EBF3: variants seen among roughly 807,000 people sequenced by gnomAD.
EBF3 encodes the protein EBF transcription factor 3, also known as transcription factor COE3.
In EBF3, 18 loss-of-function variants were observed where a neutral mutation model predicts 77.1. That is an observed-to-expected ratio of 0.23 (90% confidence interval 0.16 to 0.35). EBF3 has a LOEUF of 0.35. Among genes scored for constraint, EBF3 ranks in the 10% least tolerant of loss-of-function variants. EBF3 has a pLI of 1.00. For synonymous variants in EBF3, 350 were observed against 343.5 expected, an observed-to-expected ratio of 1.02 and a Z score of -0.21; for missense variants, 558 against 860.0, an observed-to-expected ratio of 0.65 and a Z score of 4.39.
chr10:129,858,753 G>A lies in EBF3; in HGVS notation c.1039+8388C>T, dbSNP rs1394252203. Among the ~76,000 whole-genome samples, 8 of 152,258 alleles carry A rather than the reference G, an allele frequency of 5.3e-5. No individual in the cohort carries two copies. In the East Asian group the frequency reaches 5.8e-4, roughly 11 times the overall value. Reference sequence around the variant, plus strand: ...AGGCTTCCTCAGATGCCTAGAGTGCGGGTCCAGGCCTCAGAGGCTCCAGGG... The same window carrying A: ...AGGCTTCCTCAGATGCCTAGAGTGCAGGTCCAGGCCTCAGAGGCTCCAGGG... On this transcript the variant is annotated intron_variant, in intron 10 of 16. Transcript: ENST00000440978.
intron 4 of EBF3, among the ~76,000 whole-genome samples, chr10:129,960,220 T>A (rs1859398225): frequency 6.6e-6 from 1 of 152,134 alleles, no homozygotes; most frequent in African/African-American, 2.4e-5. Context: ...TCTTCTCCGG[T>A]TCCCGCCCCC....
chr10:129,915,499 A>ACACAC lies in EBF3; in HGVS notation c.555-37651_555-37650insGTGTG, dbSNP rs59533376. ...ACACACACACACACACACACACACAAAAAAGCCAAGACAAGTTGGGTGTTG... is the reference window on the plus strand; with the variant it reads ...ACACACACACACACACACACACACAACACACAAAAGCCAAGACAAGTTGGGTGTTG... On this transcript the variant is annotated intron_variant, in intron 6 of 16. Coordinates refer to ENST00000440978, the MANE Select transcript of EBF3 (RefSeq NM_001375380.1). Among the ~76,000 whole-genome samples the ACACAC allele has an allele frequency of 5.1e-3, 464 of 91,286 alleles. 5 individuals carry two copies. The highest frequency in any genetic ancestry group is 0.021 in the East Asian group (69 of 3,238). The allele number at this position is 91,286 out of a possible 152,430, so 59.9% of individuals were successfully genotyped here.
intron 6 of EBF3, among the ~76,000 whole-genome samples, chr10:129,909,981 G>A (rs915318239): frequency 2.6e-5 from 4 of 152,242 alleles, no homozygotes; most frequent in African/African-American, 9.6e-5. Context: ...ACTGTCAGGG[G>A]CTCGGGCTCT....
At chr10:129,922,655 G>A (rs538609772) in intron 6 of EBF3, among the ~76,000 whole-genome samples, 106 of 152,348 alleles carry the variant, frequency 7.0e-4, no homozygotes, top group African/African-American at 2.5e-3. Context: ...TACCTACAGC[G>A]ATGCCCTGCA....
At chr10:129,855,718 A>G (rs982867605) in intron 10 of EBF3, among the ~76,000 whole-genome samples, 3 of 152,218 alleles carry the variant, frequency 2.0e-5, no homozygotes, top group Non-Finnish European at 4.4e-5. Context: ...CACCCTCAAC[A>G]TGATAAAAAG....
intron 6 of EBF3, among the ~76,000 whole-genome samples, chr10:129,928,727 T>C (rs1235626633): frequency 6.6e-6 from 1 of 152,216 alleles, no homozygotes; most frequent in African/African-American, 2.4e-5. Flanking sequence ...CTTCGCTTAC[T>C]CCACTAGGTC....
At chr10:129,915,492 ACACAC>A (rs1855820647) in intron 6 of EBF3, among the ~76,000 whole-genome samples, 1 of 99,850 alleles carries the variant, frequency 1.0e-5, no homozygotes, top group Non-Finnish European at 2.1e-5. Context: ...ACACACACAC[ACACAC>A]AAAAAAGCCA....
intron 6 of EBF3, among the ~76,000 whole-genome samples, chr10:129,932,197 GA>G (rs1383380763): frequency 1.3e-5 from 2 of 152,218 alleles, no homozygotes; most frequent in African/African-American, 2.4e-5. Flanking sequence ...AACCTCTTGG[GA>G]AGAAGGTATT....
rs1857984145 is a variant in EBF3, at chr10:129,943,918, A to C, written c.554+13340T>G. Among the ~76,000 whole-genome samples the C allele has an allele frequency of 6.6e-6, 1 of 152,222 alleles. No homozygotes were observed. The highest frequency in any genetic ancestry group is 1.5e-5 in the Non-Finnish European group (1 of 68,040). On this transcript the variant is annotated intron_variant, in intron 6 of 16. Coordinates refer to ENST00000440978, the MANE Select transcript of EBF3 (RefSeq NM_001375380.1). The surrounding 1 kb of genome is among the most constrained non-coding windows in gnomAD (Gnocchi z 8.8). ...CAGCTGAAACCGTAAAATGCTCGGT[A>C]AAACCAGTCGCTCTGAGGGTGCAGC...
At chr10:129,883,900 T>C (rs12572291) in intron 6 of EBF3, among the ~76,000 whole-genome samples, 10,590 of 152,156 alleles carry the variant, frequency 0.07, 809 homozygotes, top group East Asian at 0.4. Flanking sequence ...CACTTTAAAA[T>C]GGTTAATTTC....
At chr10:129,910,110 C>G (rs1411122589) in intron 6 of EBF3, among the ~76,000 whole-genome samples, 1 of 152,122 alleles carries the variant, frequency 6.6e-6, no homozygotes, top group Non-Finnish European at 1.5e-5. Flanking sequence ...CGAGCCCGCC[C>G]GGGGCTGGAG....
Position 129,837,913 on chromosome 10 carries a change from G to A in EBF3, c.*30C>T. ...TCCTTTGATGCTGGGTGCTGCGGAA[G>A]GTAAACAGAAGTCCCTCACATTGGC... is the stretch of plus-strand genomic sequence containing the variant. On this transcript the variant is annotated 3_prime_UTR_variant, in exon 17 of 17. Transcript: ENST00000440978. 6.2e-7 allele frequency: 1 copy of A among 1,613,634 alleles called. No homozygotes were observed. The highest frequency in any genetic ancestry group is 8.5e-7 in the Non-Finnish European group (1 of 1,180,010).
intron 6 of EBF3, among the ~76,000 whole-genome samples, chr10:129,908,020 C>T (rs1855265586): frequency 1.3e-5 from 2 of 152,306 alleles, no homozygotes; most frequent in South Asian, 4.1e-4. Context: ...ACACAGCTAC[C>T]TCATTCTTCT....
intron 7 of EBF3, among the ~76,000 whole-genome samples, chr10:129,873,800 T>C (rs1320443889): frequency 2.0e-5 from 3 of 152,204 alleles, no homozygotes; most frequent in Non-Finnish European, 4.4e-5. Flanking sequence ...TGACTCAAGA[T>C]TGCTTCTCTT....
In EBF3 at chr10:129,936,643, G is replaced by A. The variant is rs188729308; in HGVS notation, c.554+20615C>T. ...GTTATGGCAGGGGACCCTCAGCTGT[G>A]GGGGGACCAGAGGCTGTGTAGGGGA... On this transcript the variant is annotated intron_variant, in intron 6 of 16. Transcript: ENST00000440978. Among the ~76,000 whole-genome samples the A allele has an allele frequency of 6.7e-3, 1,018 of 151,718 alleles. 11 individuals are homozygous for A. The highest frequency in any genetic ancestry group is 0.023 in the African/African-American group (959 of 41,300).
intron 7 of EBF3, among the ~76,000 whole-genome samples, chr10:129,876,837 TATGAATCTATCATAATGGTAC>T (rs921239250): frequency 7.1e-5 from 10 of 140,578 alleles, no homozygotes; most frequent in Admixed American, 1.5e-4. Flanking sequence ...GCAAGAAAAA[TATGAATCTATCATAATGGTAC>T]ATAAATCTAT....
At chr10:129,910,685 G>T (rs1465539431) in intron 6 of EBF3, among the ~76,000 whole-genome samples, 1 of 151,890 alleles carries the variant, frequency 6.6e-6, no homozygotes, top group African/African-American at 2.4e-5. Flanking sequence ...CTCCCCCAGA[G>T]CCCCAGGTAT....
chr10:129,841,046 C>CCCCCG lies in EBF3; in HGVS notation c.1373-15_1373-14insCGGGG. The CCCCCG allele has an allele frequency of 1.2e-6, 2 of 1,602,598 alleles. No individual in the cohort carries two copies. The highest frequency in any genetic ancestry group is 1.7e-6 in the Non-Finnish European group (2 of 1,174,594). ...GACTGTAGCCGACTGTTGAAATCCC[C>CCCCCG]CCCCCGGCCAAAAATAACATTATTA... On this transcript the variant is annotated splice_polypyrimidine_tract_variant and intron_variant, in intron 13 of 16. Transcript: ENST00000440978. This position sits in a 1 kb window ranked among gnomAD's most constrained non-coding sequence, Gnocchi z 4.6.
At chr10:129,911,382 C>A (rs931148393) in intron 6 of EBF3, among the ~76,000 whole-genome samples, 2 of 152,198 alleles carry the variant, frequency 1.3e-5, no homozygotes, top group Admixed American at 6.5e-5. Context: ...ACCCAACAGG[C>A]CCTTTCTCTC....
Sources: gnomAD v4.1 joint callset for allele counts (sites outside exome capture counted in the v4.1 genomes callset) on GRCh38, gnomAD v4.1.1 for gene constraint, Gnocchi (gnomAD v3.1) non-coding constraint, MANE v1.5 for transcripts, NCBI Gene and HGNC (gene_info 2026-07-23, HGNC 2026-07-21) for gene names.